Variants in IGFL2 observed in about 807,000 individuals in gnomAD.
IGFL2 encodes insulin growth factor-like family member 2.
Under a neutral mutation model 13.9 loss-of-function variants are expected in IGFL2, and 7 were observed. The observed-to-expected ratio is 0.51, with a 90% CI of 0.29 to 0.95. The LOEUF is 0.95. IGFL2 is among the 40% of genes least tolerant of loss of function. The pLI is 0.08. For missense variants in IGFL2, 138 were observed against 147.8 expected (o/e 0.93, Z 0.34); for synonymous variants, 55 against 55.8 (o/e 0.99, Z 0.07).
chr19:46,179,208 G>C, the IGFL2 span, among the ~76,000 whole-genome samples: 1 of 151,358 alleles, frequency 6.6e-6, no homozygotes, highest in Non-Finnish European at 1.5e-5. Flanking sequence ...GGTGAGCTCT[G>C]AGCAGAGCTG....
the IGFL2 span, among the ~76,000 whole-genome samples, chr19:46,092,722 C>T: frequency 6.6e-6 from 1 of 151,730 alleles, no homozygotes. Context: ...CTCAAGTTAT[C>T]CTCCTGCCTC....
At chr19:46,085,600 T>C in the IGFL2 span, among the ~76,000 whole-genome samples, 1 of 152,224 alleles carries the variant, frequency 6.6e-6, no homozygotes, top group Non-Finnish European at 1.5e-5. Flanking sequence ...GTCTTTTAAG[T>C]GGGGCATTTA....
chr19:46,156,627 G>A (rs904419640), intron 1 of IGFL2, among the ~76,000 whole-genome samples: 1 of 152,006 alleles, frequency 6.6e-6, no homozygotes, highest in African/African-American at 2.4e-5. Context: ...CAAAATTTAT[G>A]GAACATATAT....
At chr19:46,118,976 T>TAAG in the IGFL2 span, among the ~76,000 whole-genome samples, 3 of 152,024 alleles carry the variant, frequency 2.0e-5, no homozygotes, top group Non-Finnish European at 4.4e-5. Flanking sequence ...CAGACTCCCT[T>TAAG]ATACATACTC....
chr19:46,085,223 C>T, the IGFL2 span, among the ~76,000 whole-genome samples: 1 of 151,576 alleles, frequency 6.6e-6, no homozygotes, highest in Non-Finnish European at 1.5e-5. Context: ...GAGACTCCAG[C>T]TCAAAAAAAA....
chr19:46,136,018 A>T, the IGFL2 span, among the ~76,000 whole-genome samples: 1 of 152,114 alleles, frequency 6.6e-6, no homozygotes, highest in Admixed American at 6.5e-5. Context: ...AGCTGCATTT[A>T]ATATTTTTTC....
At chr19:46,157,385 A>G (rs1317434917) in intron 1 of IGFL2, among the ~76,000 whole-genome samples, 1 of 152,214 alleles carries the variant, frequency 6.6e-6, no homozygotes, top group Non-Finnish European at 1.5e-5. Context: ...TTGACAAAAT[A>G]TTTGTAAATT....
intron 1 of IGFL2, among the ~76,000 whole-genome samples, chr19:46,149,502 AC>A (rs1205370162): frequency 6.6e-6 from 1 of 150,646 alleles, no homozygotes; most frequent in African/African-American, 2.4e-5. Flanking sequence ...ATAGCCCCCG[AC>A]CACCGCATGC....
the IGFL2 span, among the ~76,000 whole-genome samples, chr19:46,079,717 G>A: frequency 6.6e-6 from 1 of 152,152 alleles, no homozygotes. Flanking sequence ...TTTTCATGGT[G>A]GATGAGGGTT....
the IGFL2 span, chr19:46,202,965 T>C: frequency 6.6e-5 from 10 of 152,140 alleles, no homozygotes; most frequent in Admixed American, 2.0e-4. Flanking sequence ...TCTCAGGTCT[T>C]CGGCACCAAA....
chr19:46,213,048 G>A, the IGFL2 span: 1 of 152,316 alleles, frequency 6.6e-6, no homozygotes, highest in Non-Finnish European at 1.5e-5. Context: ...CCATGGGCTT[G>A]GGTTGTGAAG....
chr19:46,165,998 G>A (rs191263502), downstream of IGFL2, among the ~76,000 whole-genome samples: 1 of 152,320 alleles, frequency 6.6e-6, no homozygotes, highest in Non-Finnish European at 1.5e-5. Flanking sequence ...TAATGGCCTA[G>A]CATGTGGATG....
chr19:46,161,441 A>G (rs565733632), downstream of IGFL2: 109 of 216,714 alleles, frequency 5.0e-4, no homozygotes, highest in Middle Eastern at 5.0e-3. Flanking sequence ...TAAGTACACT[A>G]TTATTGTGTG....
chr19:46,124,080 C>T, the IGFL2 span: 180 of 1,611,532 alleles, frequency 1.1e-4, 1 homozygote, highest in Non-Finnish European at 1.5e-4. Flanking sequence ...AACAGCACTG[C>T]TCTGAAGGGT....
the IGFL2 span, among the ~76,000 whole-genome samples, chr19:46,121,470 C>G: frequency 6.7e-6 from 1 of 149,626 alleles, no homozygotes; most frequent in Non-Finnish European, 1.5e-5. Context: ...ACACTCATAG[C>G]CTGAGCATCT....
the IGFL2 span, chr19:46,209,118 G>A: frequency 6.6e-6 from 1 of 152,152 alleles, no homozygotes; most frequent in African/African-American, 2.4e-5. Flanking sequence ...ACCCAGAAAA[G>A]CAGGGCCTGG....
chr19:46,191,100 GAT>G, the IGFL2 span, among the ~76,000 whole-genome samples: 2 of 152,022 alleles, frequency 1.3e-5, no homozygotes, highest in African/African-American at 2.4e-5. Flanking sequence ...CTTCATTCTA[GAT>G]ATGTTAGAGA....
At chr19:46,160,311 C>A in intron 1 of IGFL2, 104 bp from the exon 2 acceptor site, 2 of 959,904 alleles carry the variant, frequency 2.1e-6, no homozygotes, top group South Asian at 1.5e-5. Flanking sequence ...GCCTTTAGAG[C>A]TAATCTGGAA....
the IGFL2 span, among the ~76,000 whole-genome samples, chr19:46,089,663 T>C: frequency 3.3e-5 from 5 of 152,040 alleles, no homozygotes; most frequent in Non-Finnish European, 4.4e-5. Context: ...TTTTTTTTTT[T>C]CCCTTCTGCA....
Sources: gnomAD v4.1 joint callset for allele counts (sites outside exome capture counted in the v4.1 genomes callset) on GRCh38, gnomAD v4.1.1 for gene constraint, MANE v1.5 for transcripts, NCBI Gene and HGNC (gene_info 2026-07-23, HGNC 2026-07-21) for gene names.